The following ZNF407 variants were observed in gnomAD, a reference collection of about 807,000 sequenced individuals.
ZNF407 encodes the protein zinc finger protein 407.
A neutral mutation model predicts 131.2 loss-of-function variants in ZNF407; 17 were observed. That is an observed-to-expected ratio of 0.13 (90% confidence interval 0.09 to 0.19). The LOEUF (loss-of-function observed/expected upper bound fraction) is 0.19, where lower values mean the gene tolerates loss of function less well. Among genes scored for constraint, ZNF407 ranks in the 10% least tolerant of loss-of-function variants. ZNF407 has a pLI of 1.00. For missense variants in ZNF407, 2,681 were observed against 2,830.6 expected, an observed-to-expected ratio of 0.95 and a Z score of 1.20; for synonymous variants, 1,156 against 1,062.0, an observed-to-expected ratio of 1.09 and a Z score of -1.72.
intron 4 of ZNF407, among the ~76,000 whole-genome samples, chr18:74,807,372 G>T (rs768906106): frequency 6.6e-6 from 1 of 152,046 alleles, no homozygotes. Context: ...CATGAGCAGG[G>T]TCCCGAGAGT....
intron 8 of ZNF407, among the ~76,000 whole-genome samples, chr18:75,038,533 G>T (rs1244754673): frequency 6.6e-6 from 1 of 152,180 alleles, no homozygotes; most frequent in African/African-American, 2.4e-5. Flanking sequence ...ATAATAAAAA[G>T]TGTGAAATGT....
chr18:74,683,960 A>C (rs1029064368), intron 3 of ZNF407, among the ~76,000 whole-genome samples: 10 of 152,228 alleles, frequency 6.6e-5, no homozygotes, highest in African/African-American at 2.4e-4. Flanking sequence ...AAATTTATTT[A>C]ATTTATGCCT....
intron 4 of ZNF407, among the ~76,000 whole-genome samples, chr18:74,869,095 G>GTT (rs1971052305): frequency 6.6e-6 from 1 of 152,196 alleles, no homozygotes; most frequent in African/African-American, 2.4e-5. Flanking sequence ...GAATGAAGGT[G>GTT]TAAGTGGGGA....
chr18:74,716,450 G>A (rs929952231), intron 3 of ZNF407, among the ~76,000 whole-genome samples: 3 of 152,160 alleles, frequency 2.0e-5, no homozygotes, highest in Admixed American at 6.5e-5. Context: ...ATGGAGGCGG[G>A]TTCACAAATG....
intron 4 of ZNF407, among the ~76,000 whole-genome samples, chr18:74,819,832 A>C (rs1970316116): frequency 1.3e-5 from 2 of 151,982 alleles, no homozygotes; most frequent in African/African-American, 4.8e-5. Context: ...GACATTCTTC[A>C]CCCCTTACAG....
intron 4 of ZNF407, among the ~76,000 whole-genome samples, chr18:74,788,035 T>C (rs1009297206): frequency 6.6e-6 from 1 of 152,244 alleles, no homozygotes; most frequent in Non-Finnish European, 1.5e-5. Context: ...ATGTATATGA[T>C]TGAGTTTTCC....
At chr18:74,614,757 G>A (rs917700013) in intron 1 of ZNF407, among the ~76,000 whole-genome samples, 6 of 152,110 alleles carry the variant, frequency 3.9e-5, no homozygotes, top group Admixed American at 6.5e-5. Flanking sequence ...TAATTCTCTT[G>A]TTTTACAAAT....
intron 3 of ZNF407, among the ~76,000 whole-genome samples, chr18:74,711,780 A>G (rs9964531): frequency 0.77 from 117,880 of 152,146 alleles, 45,974 homozygotes; most frequent in East Asian, 0.9. Flanking sequence ...GCATGATCTC[A>G]GCTCACTGCA....
chr18:74,771,116 G>C lies in ZNF407; in HGVS notation c.4803-10312G>C, dbSNP rs144956381. Among the ~76,000 whole-genome samples the C allele has an allele frequency of 1.6e-3, 251 of 152,192 alleles. 2 individuals carry two copies. Among genetic ancestry groups the C allele is most frequent in the African/African-American group, 5.9e-3 (244 of 41,534 alleles). Reference sequence around the variant, plus strand: ...AAGGGTACATTTCACATGTGAAAATGGTGGATTCTGTATGGTAATTAAAAC... The same window carrying C: ...AAGGGTACATTTCACATGTGAAAATCGTGGATTCTGTATGGTAATTAAAAC... On this transcript the variant is annotated intron_variant, in intron 3 of 8. Transcript: ENST00000299687.
chr18:74,607,207 A>G (rs992386535), intron 1 of ZNF407, among the ~76,000 whole-genome samples: 2 of 152,174 alleles, frequency 1.3e-5, no homozygotes, highest in Admixed American at 1.3e-4. Flanking sequence ...TTGGGCATCA[A>G]CCAGAAACTG....
rs371849795 is a variant in ZNF407, at chr18:74,754,180, A to G, written c.4803-27248A>G. 2.4e-4 allele frequency among the ~76,000 whole-genome samples: 37 copies of G among 152,128 alleles called. 2 individuals are homozygous for G. Among genetic ancestry groups the G allele is most frequent in the Admixed American group, 1.5e-3 (23 of 15,286 alleles). On this transcript the variant is annotated intron_variant, in intron 3 of 8. Coordinates refer to ENST00000299687, the MANE Select transcript of ZNF407 (RefSeq NM_017757.3). ...TGATGGTAGTTTGTATTTCTGTGGG[A>G]TTGGTGGTGCTATCCCCTTTATCAT...
chr18:74,797,740 C>G (rs1160485493), intron 4 of ZNF407, among the ~76,000 whole-genome samples: 2 of 151,594 alleles, frequency 1.3e-5, no homozygotes, highest in Non-Finnish European at 2.9e-5. Flanking sequence ...GAGCCAGTGG[C>G]TAGCTGAAAA....
chr18:74,603,393 G>A (rs1982666855), intron 1 of ZNF407, among the ~76,000 whole-genome samples: 1 of 152,130 alleles, frequency 6.6e-6, no homozygotes, highest in South Asian at 2.1e-4. Flanking sequence ...CAGACTCTAG[G>A]GCTGCTCTCC....
intron 8 of ZNF407, among the ~76,000 whole-genome samples, chr18:75,004,826 T>C (rs1487599221): frequency 6.6e-6 from 1 of 152,224 alleles, no homozygotes; most frequent in East Asian, 1.9e-4. Context: ...CCCAAGTGCT[T>C]TCCTTAGCTA....
intron 4 of ZNF407, among the ~76,000 whole-genome samples, chr18:74,850,192 C>G (rs1970761647): frequency 6.6e-6 from 1 of 152,164 alleles, no homozygotes; most frequent in Non-Finnish European, 1.5e-5. Context: ...AGGTACAAGT[C>G]TATCTTGTTT....
At chr18:74,993,064 C>G (rs1972737421) in intron 8 of ZNF407, among the ~76,000 whole-genome samples, 1 of 152,142 alleles carries the variant, frequency 6.6e-6, no homozygotes, top group South Asian at 2.1e-4. Flanking sequence ...ATTTGGAAAA[C>G]AGTTTAGCCA....
chr18:74,723,334 T>C (rs1002405180), intron 3 of ZNF407, among the ~76,000 whole-genome samples: 5 of 152,250 alleles, frequency 3.3e-5, no homozygotes, highest in African/African-American at 1.2e-4. Context: ...TTTTTCTGGC[T>C]CTTGCTATGT....
intron 1 of ZNF407, among the ~76,000 whole-genome samples, chr18:74,608,811 G>A (rs1982926042): frequency 6.6e-6 from 1 of 152,174 alleles, no homozygotes; most frequent in African/African-American, 2.4e-5. Flanking sequence ...GTGAAATCAT[G>A]TCCTTCTCAG....
At chr18:74,599,477 CT>C (rs1163061552) in intron 1 of ZNF407, among the ~76,000 whole-genome samples, 6 of 152,186 alleles carry the variant, frequency 3.9e-5, no homozygotes, top group Non-Finnish European at 8.8e-5. Context: ...TAGTAATATA[CT>C]TCCCTAGAGG....
Sources: allele counts gnomAD v4.1 joint callset (sites outside exome capture counted in the v4.1 genomes callset), GRCh38; gene constraint gnomAD v4.1.1; transcripts MANE v1.5; gene names NCBI Gene and HGNC (gene_info 2026-07-23, HGNC 2026-07-21).